The following ICA1 variants were observed in gnomAD, a reference collection of about 807,000 sequenced individuals.
ICA1 encodes islet cell autoantigen 1, also known as 69 kDa islet cell autoantigen.
Under a neutral mutation model 71.0 loss-of-function variants are expected in ICA1, and 40 were observed. The observed-to-expected ratio is 0.56, with a 90% CI of 0.44 to 0.73. The LOEUF (loss-of-function observed/expected upper bound fraction) is 0.73. Among genes scored for constraint, ICA1 ranks in the 30% least tolerant of loss-of-function variants. The probability of loss-of-function intolerance (pLI) is 0.00; values close to 1 mark genes in which losing one functional copy is unlikely to be tolerated. For synonymous variants in ICA1, 207 were observed against 209.5 expected (o/e 0.99, Z 0.10); for missense variants, 578 against 576.5 (o/e 1.00, Z -0.03).
intron 4 of ICA1, 90 bp downstream of exon 4, chr7:8,228,511 G>T: frequency 1.4e-6 from 1 of 723,002 alleles, no homozygotes; most frequent in Non-Finnish European, 2.2e-6. Context: ...AACACTCTTA[G>T]TTTCCTAAGC....
In ICA1 at chr7:8,158,558, T is replaced by C. The variant is rs1802550659; in HGVS notation, c.674A>G (p.Asn225Ser). The change falls in exon 7 of 14, where the codon AAT (asparagine) becomes AGT (serine). Residue 225 changes from asparagine (N) to serine (S), a missense_variant. Coordinates refer to ENST00000402384, the MANE Select transcript of ICA1 (RefSeq NM_001136020.3). Reference protein sequence around the residue: ...KVDLLGASRCNLLSHMLATYQ... With the variant: ...KVDLLGASRCSLLSHMLATYQ... The stretch of plus-strand genomic sequence containing the variant: ...TGTTGCTAGCATGTGAGACAAGAGA[T>C]TGCATCTGCTCGCTCCAAGAAGATC... 6.2e-7 allele frequency: 1 copy of C among 1,614,040 alleles called. No individual in the cohort carries two copies. The highest frequency in any genetic ancestry group is 8.5e-7 in the Non-Finnish European group (1 of 1,180,000).
At chr7:8,227,777 G>A in intron 4 of ICA1, 1 of 417,776 alleles carries the variant, frequency 2.4e-6, no homozygotes, top group Admixed American at 2.7e-5. Context: ...TAGAGATGGG[G>A]GTCTCACTTT....
intron 1 of ICA1, among the ~76,000 whole-genome samples, chr7:8,240,959 G>A (rs183199553): frequency 2.6e-5 from 4 of 152,270 alleles, no homozygotes; most frequent in Admixed American, 1.3e-4. Context: ...TGAAAGTGAC[G>A]GGGAGAATGG....
chr7:8,197,511 A>T (rs1361158817), intron 6 of ICA1, among the ~76,000 whole-genome samples: 3 of 147,594 alleles, frequency 2.0e-5, no homozygotes, highest in African/African-American at 7.6e-5. Context: ...ACACCACTGC[A>T]CTCCAGCTTA....
At chr7:8,175,599 G>A (rs771373509) in intron 6 of ICA1, among the ~76,000 whole-genome samples, 2 of 152,110 alleles carry the variant, frequency 1.3e-5, no homozygotes, top group African/African-American at 2.4e-5. Context: ...AACATGGCAT[G>A]CAACCTTCAT....
At chr7:8,165,343 C>A (rs1374611742) in intron 6 of ICA1, among the ~76,000 whole-genome samples, 3 of 152,188 alleles carry the variant, frequency 2.0e-5, no homozygotes, top group Non-Finnish European at 4.4e-5. Flanking sequence ...TGTGTGTGCA[C>A]CACACATGTG....
rs1554310916 is a variant in ICA1 at position 8,174,771 on chromosome 7, A to AAAAAAAAAAAAAAACC, written c.580-16120_580-16119insGGTTTTTTTTTTTTTT. On this transcript the variant is annotated intron_variant, in intron 6 of 13. Coordinates refer to ENST00000402384, the MANE Select transcript of ICA1 (RefSeq NM_001136020.3). ...ACTGTATCTCAAAAAAAAAAAAAAA[A>AAAAAAAAAAAAAAACC]AAAAAAAACAGAGAGAGAGACAAAT... Among the ~76,000 whole-genome samples, 77 of 106,066 alleles carry AAAAAAAAAAAAAAACC rather than the reference A, an allele frequency of 7.3e-4. 1 individual carries two copies. The highest frequency in any genetic ancestry group is 3.5e-3 in the South Asian group (10 of 2,856). 69.6% of individuals were successfully genotyped at this position (106,066 alleles called of 152,430 possible). A position where few individuals can be genotyped will look rare whatever the true frequency, so the allele number is the denominator to read the frequency against.
intron 6 of ICA1, among the ~76,000 whole-genome samples, chr7:8,174,213 CT>C (rs1378912179): frequency 6.6e-6 from 1 of 152,078 alleles, no homozygotes; most frequent in African/African-American, 2.4e-5. Context: ...TTATGTATTT[CT>C]TTTCCCGTCT....
At chr7:8,202,426 G>A (rs573778254) in intron 6 of ICA1, among the ~76,000 whole-genome samples, 2 of 152,308 alleles carry the variant, frequency 1.3e-5, no homozygotes, top group African/African-American at 4.8e-5. Context: ...TAGAACTGTA[G>A]CTGATACATG....
chr7:8,234,172 C>T lies in ICA1; in HGVS notation c.18-1417G>A, dbSNP rs2128466660. On this transcript the variant is annotated intron_variant, in intron 2 of 13. Transcript: ENST00000402384. This position sits in a 1 kb window ranked among gnomAD's most constrained non-coding sequence, Gnocchi z 4.5. ...TTGAGGCTGCAGGGAGCCGTGATCA[C>T]ACCACTGCACTTCATCCTGGGATAC... is the stretch of plus-strand genomic sequence containing the variant. Among the ~76,000 whole-genome samples, 1 of 152,296 alleles carries T rather than the reference C, an allele frequency of 6.6e-6. No homozygotes were observed. Among genetic ancestry groups the T allele is most frequent in the East Asian group, 1.9e-4 (1 of 5,190 alleles).
chr7:8,146,190 A>C (rs1179594956), intron 8 of ICA1, among the ~76,000 whole-genome samples: 6 of 152,222 alleles, frequency 3.9e-5, no homozygotes, highest in African/African-American at 1.2e-4. Flanking sequence ...GTCTAGGCAG[A>C]TAATTAAAAC....
At chr7:8,257,544 GACT>G (rs1002720268) in intron 1 of ICA1, among the ~76,000 whole-genome samples, 17 of 152,184 alleles carry the variant, frequency 1.1e-4, no homozygotes, top group African/African-American at 4.1e-4. Flanking sequence ...AATTAACAAT[GACT>G]ACTATCTATA....
chr7:8,114,219 G>C (rs7796673), intron 13 of ICA1, 175 bp from the exon 14 acceptor site: 53,060 of 667,282 alleles, frequency 0.08, 2,447 homozygotes, highest in African/African-American at 0.095. Context: ...TGGTTGGCCA[G>C]TTAACATTTC....
At chr7:8,157,392 C>A in intron 7 of ICA1, 178 bp from the exon 8 acceptor site, 1 of 617,160 alleles carries the variant, frequency 1.6e-6, no homozygotes, top group Non-Finnish European at 2.7e-6. Flanking sequence ...CTAAATGCCT[C>A]CCTGTTTCCC....
intron 6 of ICA1, among the ~76,000 whole-genome samples, chr7:8,176,073 G>A (rs946882965): frequency 1.3e-5 from 2 of 152,314 alleles, no homozygotes; most frequent in Middle Eastern, 3.4e-3. Context: ...ACAAAGTACC[G>A]TTCCTAAAAG....
At chr7:8,210,000 T>C (rs1330911344) in intron 6 of ICA1, among the ~76,000 whole-genome samples, 2 of 152,130 alleles carry the variant, frequency 1.3e-5, no homozygotes, top group African/African-American at 2.4e-5. Flanking sequence ...AGAGCCAGCC[T>C]GTGGAGGGCC....
At chr7:8,210,993 C>A (rs1194946357) in intron 6 of ICA1, among the ~76,000 whole-genome samples, 2 of 152,172 alleles carry the variant, frequency 1.3e-5, no homozygotes, top group African/African-American at 4.8e-5. Context: ...TGGAAGTCAC[C>A]TGCACTTTGG....
At chr7:8,208,878 C>T (rs1158053579) in intron 6 of ICA1, among the ~76,000 whole-genome samples, 2 of 152,170 alleles carry the variant, frequency 1.3e-5, no homozygotes, top group East Asian at 3.9e-4. Flanking sequence ...TGGAAACAGT[C>T]ATCCAAGAGA....
intron 6 of ICA1, among the ~76,000 whole-genome samples, chr7:8,214,882 T>C (rs1288931141): frequency 6.6e-6 from 1 of 152,224 alleles, no homozygotes; most frequent in Admixed American, 6.5e-5. Context: ...TTGCGATTTA[T>C]TTATGCTTAT....
Sources: allele counts gnomAD v4.1 joint callset (sites outside exome capture counted in the v4.1 genomes callset), GRCh38; gene constraint gnomAD v4.1.1; non-coding constraint Gnocchi (gnomAD v3.1); transcripts MANE v1.5; gene names NCBI Gene and HGNC (gene_info 2026-07-23, HGNC 2026-07-21).